Variants in UBE3D observed in about 807,000 individuals in gnomAD.
The protein encoded by UBE3D is ubiquitin protein ligase E3D, also known as E3 ubiquitin-protein ligase E3D.
A neutral mutation model predicts 49.6 loss-of-function variants in UBE3D; 48 were observed. The ratio of observed to expected loss-of-function variants is 0.97; its 90% confidence interval spans 0.77 to 1.23. The LOEUF (loss-of-function observed/expected upper bound fraction) is 1.23, where lower values mean the gene tolerates loss of function less well. Ranked by LOEUF, UBE3D falls within the 50% of genes most tolerant of loss-of-function variation. The pLI, the probability that UBE3D is intolerant of heterozygous loss-of-function variation, is 0.00. For synonymous variants in UBE3D, 189 were observed against 174.2 expected, an observed-to-expected ratio of 1.08 and a Z score of -0.67; for missense variants, 452 against 468.4, an observed-to-expected ratio of 0.96 and a Z score of 0.32.
At chr6:83,049,856 A>C (rs1200420899) in intron 3 of UBE3D, 1 of 466,540 alleles carries the variant, frequency 2.1e-6, no homozygotes, top group African/African-American at 2.0e-5. Flanking sequence ...AAAATACATA[A>C]ATTCCAAACA....
chr6:82,889,689 T>C (rs897867081), downstream of UBE3D, among the ~76,000 whole-genome samples: 3 of 152,162 alleles, frequency 2.0e-5, no homozygotes, highest in Non-Finnish European at 4.4e-5. Context: ...AAATTATATA[T>C]AGTAATTTTA....
intron 9 of UBE3D, among the ~76,000 whole-genome samples, chr6:82,948,078 C>T (rs1307221371): frequency 6.6e-6 from 1 of 151,572 alleles, no homozygotes; most frequent in East Asian, 1.9e-4. Context: ...ATCGATGAAA[C>T]AAAATGTTGG....
chr6:82,997,289 C>T (rs375457999), intron 8 of UBE3D, among the ~76,000 whole-genome samples: 13 of 151,362 alleles, frequency 8.6e-5, no homozygotes, highest in East Asian at 3.9e-4. Flanking sequence ...AATAGAATGA[C>T]GAAATAAATC....
intron 8 of UBE3D, among the ~76,000 whole-genome samples, chr6:82,961,640 G>A (rs1776555710): frequency 6.6e-6 from 1 of 152,158 alleles, no homozygotes; most frequent in Non-Finnish European, 1.5e-5. Flanking sequence ...TTTAATAACT[G>A]AATCTGCTAA....
chr6:82,921,068 A>G (rs563522111), intron 9 of UBE3D, among the ~76,000 whole-genome samples: 3 of 150,834 alleles, frequency 2.0e-5, no homozygotes, highest in African/African-American at 4.9e-5. Context: ...TGATCCTCCC[A>G]TCTCAGCCTC....
Position 82,912,669 on chromosome 6 carries a change from G to T in UBE3D, c.1150-19627C>A, listed in dbSNP as rs183190614. 1.1e-3 allele frequency among the ~76,000 whole-genome samples: 161 copies of T among 152,012 alleles called. 3 individuals are homozygous for T. Among genetic ancestry groups the T allele is most frequent in the Non-Finnish European group, 1.8e-3 (119 of 67,968 alleles). On this transcript the variant is annotated intron_variant, in intron 9 of 9. Coordinates refer to ENST00000369747, the MANE Select transcript of UBE3D (RefSeq NM_198920.3). ...AAATATAGAAATAAAGTCATACCAG[G>T]GTATAATGCTAAAATTTTGCTTTCT... is the stretch of plus-strand genomic sequence containing the variant.
the UBE3D span, among the ~76,000 whole-genome samples, chr6:82,882,258 T>C: frequency 6.6e-6 from 1 of 152,210 alleles, no homozygotes; most frequent in Non-Finnish European, 1.5e-5. Context: ...TCTCAAGCTG[T>C]AGGGCTTTCC....
intron 9 of UBE3D, among the ~76,000 whole-genome samples, chr6:82,907,612 G>T (rs1772196323): frequency 6.6e-6 from 1 of 152,094 alleles, no homozygotes; most frequent in Non-Finnish European, 1.5e-5. Context: ...TCATATCATT[G>T]GTTGTTAGGG....
At chr6:82,895,781 C>A (rs1348539965) in intron 9 of UBE3D, among the ~76,000 whole-genome samples, 1 of 152,142 alleles carries the variant, frequency 6.6e-6, no homozygotes, top group Non-Finnish European at 1.5e-5. Context: ...GATTTCTAAT[C>A]CATGCTTTTC....
intron 9 of UBE3D, among the ~76,000 whole-genome samples, chr6:82,941,218 A>C (rs985982032): frequency 2.0e-5 from 3 of 152,098 alleles, no homozygotes; most frequent in Non-Finnish European, 4.4e-5. Flanking sequence ...AAAATAAAAA[A>C]CAATTACTTT....
chr6:82,999,629 C>A (rs2127743433), intron 8 of UBE3D, among the ~76,000 whole-genome samples: 1 of 152,300 alleles, frequency 6.6e-6, no homozygotes, highest in Non-Finnish European at 1.5e-5. Context: ...AAGTGATCCA[C>A]CCACCTCAGC....
rs117230926 is a variant in UBE3D, at chr6:82,917,930, C to A, written c.1150-24888G>T. On this transcript the variant is annotated intron_variant, in intron 9 of 9. Coordinates refer to ENST00000369747, the MANE Select transcript of UBE3D (RefSeq NM_198920.3). The stretch of plus-strand genomic sequence containing the variant: ...GCTGCTATTGTAGCTGTTTTCCAGC[C>A]GGACCAGCCTGCTCCTTTCTTAAAC... Among the ~76,000 whole-genome samples, 1,411 of 152,256 alleles carry A rather than the reference C, an allele frequency of 9.3e-3. 15 individuals are homozygous for A. The highest frequency in any genetic ancestry group is 0.015 in the Non-Finnish European group (1,047 of 68,024).
At chr6:82,881,554 A>G in the UBE3D span, among the ~76,000 whole-genome samples, 1 of 152,168 alleles carries the variant, frequency 6.6e-6, no homozygotes, top group Non-Finnish European at 1.5e-5. Context: ...TTGGATTTGA[A>G]CAGCAGATAC....
intron 9 of UBE3D, among the ~76,000 whole-genome samples, chr6:82,898,406 T>G (rs1038934673): frequency 1.3e-5 from 2 of 152,180 alleles, no homozygotes; most frequent in African/African-American, 4.8e-5. Flanking sequence ...CTGTTCACAA[T>G]AGCAAAGACT....
intron 9 of UBE3D, among the ~76,000 whole-genome samples, chr6:82,953,808 G>A (rs1775966655): frequency 2.0e-5 from 3 of 152,238 alleles, no homozygotes; most frequent in African/African-American, 4.8e-5. Flanking sequence ...AAAGTGCTAT[G>A]AAGAAAATTA....
chr6:82,924,124 T>C (rs1037941487), intron 9 of UBE3D, among the ~76,000 whole-genome samples: 14 of 151,868 alleles, frequency 9.2e-5, no homozygotes, highest in Non-Finnish European at 4.4e-5. Context: ...GAAAAGTACT[T>C]GGAAGTCCAC....
chr6:82,983,921 GT>G (rs1778284912), intron 8 of UBE3D, among the ~76,000 whole-genome samples: 1 of 152,024 alleles, frequency 6.6e-6, no homozygotes, highest in Non-Finnish European at 1.5e-5. Flanking sequence ...ATGCACTTAA[GT>G]TCATTTTTTT....
intron 9 of UBE3D, among the ~76,000 whole-genome samples, chr6:82,956,539 T>C (rs1199326099): frequency 6.6e-6 from 1 of 152,110 alleles, no homozygotes; most frequent in Non-Finnish European, 1.5e-5. Context: ...GAGAGGGAAA[T>C]GGCTCAGAAA....
intron 4 of UBE3D, among the ~76,000 whole-genome samples, chr6:83,042,236 A>G (rs1782726398): frequency 6.6e-6 from 1 of 152,214 alleles, no homozygotes; most frequent in African/African-American, 2.4e-5. Flanking sequence ...TTATGTGGGC[A>G]GGCACAAAAT....
Sources: gnomAD v4.1 joint callset for allele counts (sites outside exome capture counted in the v4.1 genomes callset) on GRCh38, gnomAD v4.1.1 for gene constraint, MANE v1.5 for transcripts, NCBI Gene and HGNC (gene_info 2026-07-23, HGNC 2026-07-21) for gene names.